The following DEPDC1B variants were observed in gnomAD, a reference collection of about 807,000 sequenced individuals.
The protein encoded by DEPDC1B is DEP domain-containing protein 1B.
DEPDC1B carries 51 observed loss-of-function variants against 66.5 expected under a neutral mutation model. The ratio of observed to expected loss-of-function variants is 0.77; its 90% CI spans 0.61 to 0.97. The LOEUF is 0.97. Ranked by LOEUF, DEPDC1B falls within the 50% of genes least tolerant of loss-of-function variation. The pLI, the probability that DEPDC1B is intolerant of heterozygous loss-of-function variation, is 0.00. For synonymous variants in DEPDC1B, 226 were observed against 223.6 expected (o/e 1.01, Z -0.10); for missense variants, 552 against 637.1 (o/e 0.87, Z 1.44).
chr5:60,624,113 A>C (rs746931423), intron 7 of DEPDC1B, among the ~76,000 whole-genome samples: 1 of 152,160 alleles, frequency 6.6e-6, no homozygotes, highest in Non-Finnish European at 1.5e-5. Context: ...CATTAAGAAA[A>C]ATGTTATCCA....
At chr5:60,673,321 A>G (rs1754086206) in intron 2 of DEPDC1B, among the ~76,000 whole-genome samples, 1 of 152,200 alleles carries the variant, frequency 6.6e-6, no homozygotes, top group African/African-American at 2.4e-5. Context: ...TAACTAAACT[A>G]TAGATAGGGG....
chr5:60,621,201 A>C (rs1442218640), intron 7 of DEPDC1B, among the ~76,000 whole-genome samples: 4 of 151,616 alleles, frequency 2.6e-5, no homozygotes, highest in African/African-American at 9.7e-5. Flanking sequence ...TGACGAGTTA[A>C]TGGGTGCAGC....
At chr5:60,623,152 T>C (rs976952203) in intron 7 of DEPDC1B, among the ~76,000 whole-genome samples, 4 of 152,164 alleles carry the variant, frequency 2.6e-5, no homozygotes, top group Admixed American at 6.5e-5. Context: ...CAGTCCAAAG[T>C]AAAATTTGAG....
chr5:60,605,801 G>A lies in DEPDC1B; in HGVS notation c.954C>T (p.Leu318=). Residue 318 remains leucine (L), a synonymous_variant, in exon 8 of 11, where the codon CTC becomes CTT. Transcript: ENST00000265036. The stretch of plus-strand genomic sequence containing the variant: ...ACTTTCTCCTATTTTCAGGAGGTAG[G>A]AGAAGGCAGCAAATCTGAAATGCTT... The part of the protein sequence containing the change: ...AVEAFQICCL[L]LPPENRRKLQ... 6.2e-7 allele frequency: 1 copy of A among 1,612,834 alleles called. No individual in the cohort carries two copies. The highest frequency in any genetic ancestry group is 1.1e-5 in the South Asian group (1 of 90,898).
intron 1 of DEPDC1B, among the ~76,000 whole-genome samples, chr5:60,696,227 G>C (rs907736134): frequency 6.6e-6 from 1 of 152,084 alleles, no homozygotes; most frequent in Non-Finnish European, 1.5e-5. Flanking sequence ...AATCCATTAG[G>C]ATTCAGAATG....
chr5:60,648,678 C>A (rs1425815872), intron 2 of DEPDC1B, among the ~76,000 whole-genome samples: 4 of 152,022 alleles, frequency 2.6e-5, no homozygotes, highest in Non-Finnish European at 5.9e-5. Flanking sequence ...AAAAGAATAT[C>A]CAATAACTAT....
chr5:60,638,221 C>T (rs1753104870), intron 7 of DEPDC1B, among the ~76,000 whole-genome samples: 1 of 152,078 alleles, frequency 6.6e-6, no homozygotes, highest in African/African-American at 2.4e-5. Context: ...ATGTTCCTTT[C>T]AGTGTAAATT....
intron 1 of DEPDC1B, among the ~76,000 whole-genome samples, chr5:60,698,838 G>A (rs990073352): frequency 1.3e-5 from 2 of 151,992 alleles, no homozygotes; most frequent in Non-Finnish European, 2.9e-5. Context: ...GCTAATTTTT[G>A]TATTTTTAGT....
intron 7 of DEPDC1B, among the ~76,000 whole-genome samples, chr5:60,615,251 C>G (rs1752516476): frequency 1.3e-5 from 2 of 152,120 alleles, no homozygotes; most frequent in Admixed American, 1.3e-4. Context: ...TCTGCATTTC[C>G]AACTGACATA....
chr5:60,691,928 A>G (rs1245054508), intron 1 of DEPDC1B, among the ~76,000 whole-genome samples: 2 of 152,210 alleles, frequency 1.3e-5, no homozygotes, highest in African/African-American at 4.8e-5. Flanking sequence ...TATGGAATCA[A>G]CCTAAAAGTC....
At chr5:60,636,227 G>C (rs2111842169) in intron 7 of DEPDC1B, among the ~76,000 whole-genome samples, 1 of 152,146 alleles carries the variant, frequency 6.6e-6, no homozygotes, top group East Asian at 1.9e-4. Context: ...CAGACAGCTG[G>C]GCCAAATTAA....
In DEPDC1B at chr5:60,644,805, T is replaced by C; in HGVS notation, c.649A>G (p.Ile217Val). Residue 217 changes from isoleucine (I) to valine (V), a missense_variant, in exon 5 of 11, where the codon ATC becomes GTC. By Grantham distance (29) the Ile-to-Val change is conservative. Coordinates refer to ENST00000265036, the MANE Select transcript of DEPDC1B (RefSeq NM_018369.3). ...CTAACACTATATACATTATGGATGA[T>C]GAACTTCGAATTGACAAGTTTGACG... ...LDVKLVNSKF[I>V]IHNVYSVSKQ... 1 of 1,611,724 alleles carries C rather than the reference T, an allele frequency of 6.2e-7. No individual in the cohort carries two copies. The highest frequency in any genetic ancestry group is 8.5e-7 in the Non-Finnish European group (1 of 1,178,786).
intron 7 of DEPDC1B, among the ~76,000 whole-genome samples, chr5:60,610,400 C>T (rs1752391747): frequency 6.6e-6 from 1 of 152,200 alleles, no homozygotes; most frequent in Non-Finnish European, 1.5e-5. Context: ...AGCATTAAAA[C>T]TAACATCAGG....
intron 7 of DEPDC1B, chr5:60,628,387 G>T (rs1752849034): frequency 6.6e-6 from 1 of 152,054 alleles, no homozygotes; most frequent in African/African-American, 2.4e-5. Flanking sequence ...AAACATGAAG[G>T]TTTTTGAGAC....
At chr5:60,675,639 C>CAAA (rs1186850126) in intron 2 of DEPDC1B, among the ~76,000 whole-genome samples, 1 of 152,170 alleles carries the variant, frequency 6.6e-6, no homozygotes, top group African/African-American at 2.4e-5. Flanking sequence ...AGACTTCAAA[C>CAAA]AAAGCTTACG....
chr5:60,616,575 G>C (rs1435689425), intron 7 of DEPDC1B, among the ~76,000 whole-genome samples: 1 of 152,084 alleles, frequency 6.6e-6, no homozygotes, highest in African/African-American at 2.4e-5. Context: ...AATGAAGCGA[G>C]AAGTTTACAG....
chr5:60,669,877 G>GA (rs1168900215), intron 2 of DEPDC1B, among the ~76,000 whole-genome samples: 3 of 151,740 alleles, frequency 2.0e-5, no homozygotes, highest in African/African-American at 4.8e-5. Context: ...ATTTGCAACA[G>GA]AAAAAAATCT....
intron 2 of DEPDC1B, among the ~76,000 whole-genome samples, chr5:60,659,798 C>T (rs1753665949): frequency 6.6e-6 from 1 of 152,156 alleles, no homozygotes; most frequent in Non-Finnish European, 1.5e-5. Context: ...ACTTTCATTC[C>T]CTCTAGCAAG....
At chr5:60,670,436 A>T (rs557439464) in intron 2 of DEPDC1B, among the ~76,000 whole-genome samples, 138 of 152,358 alleles carry the variant, frequency 9.1e-4, no homozygotes, top group Middle Eastern at 3.4e-3. Context: ...TACAAAAAAA[A>T]TGCTGAGAGA....
Sources: gnomAD v4.1 joint callset for allele counts (sites outside exome capture counted in the v4.1 genomes callset) on GRCh38, gnomAD v4.1.1 for gene constraint, MANE v1.5 for transcripts, NCBI Gene and HGNC (gene_info 2026-07-23, HGNC 2026-07-21) for gene names.